The following UNC13C variants were observed in gnomAD, a reference collection of about 807,000 sequenced individuals.
UNC13C encodes the protein unc-13 homolog C.
In UNC13C, 174 loss-of-function variants were observed where a neutral mutation model predicts 245.4. The ratio of observed to expected loss-of-function variants is 0.71; its 90% CI spans 0.63 to 0.80. UNC13C has a LOEUF of 0.80. Ranked by LOEUF, UNC13C falls within the 30% of genes least tolerant of loss-of-function variation. UNC13C has a pLI of 0.00. For missense variants in UNC13C, 2,829 were observed against 2,602.9 expected (o/e 1.09, Z -1.89); for synonymous variants, 992 against 895.1 (o/e 1.11, Z -1.93).
At chr15:54,463,913 C>T (rs1892023344) in intron 19 of UNC13C, among the ~76,000 whole-genome samples, 1 of 152,072 alleles carries the variant, frequency 6.6e-6, no homozygotes, top group Non-Finnish European at 1.5e-5. Context: ...AAGGGACAAG[C>T]CCAATGGAGA....
intron 4 of UNC13C, among the ~76,000 whole-genome samples, chr15:54,185,191 T>G (rs2033935648): frequency 6.7e-6 from 1 of 148,606 alleles, no homozygotes; most frequent in Non-Finnish European, 1.5e-5. Context: ...ATGAGTAGGT[T>G]GCAAAAATTT....
At chr15:54,528,286 A>T (rs1225241496) in intron 25 of UNC13C, among the ~76,000 whole-genome samples, 1 of 150,416 alleles carries the variant, frequency 6.6e-6, no homozygotes, top group Non-Finnish European at 1.5e-5. Flanking sequence ...TTCTGCTTAC[A>T]CATGTTTTGC....
chr15:54,481,936 C>G (rs574826110), intron 19 of UNC13C, among the ~76,000 whole-genome samples: 2 of 152,128 alleles, frequency 1.3e-5, no homozygotes, highest in Non-Finnish European at 2.9e-5. Flanking sequence ...TGGATGGGCC[C>G]ATAACCAAGG....
At chr15:54,234,177 T>G (rs978832140) in intron 4 of UNC13C, among the ~76,000 whole-genome samples, 1 of 152,038 alleles carries the variant, frequency 6.6e-6, no homozygotes, top group African/African-American at 2.4e-5. Context: ...CATAATTATT[T>G]TTCTAGATAT....
intron 2 of UNC13C, among the ~76,000 whole-genome samples, chr15:54,035,349 T>C (rs900998301): frequency 3.3e-5 from 5 of 151,788 alleles, no homozygotes; most frequent in African/African-American, 9.7e-5. Context: ...TATCTTCCTA[T>C]GTTTTTATTT....
chr15:54,343,940 C>T (rs957300959), intron 17 of UNC13C, among the ~76,000 whole-genome samples: 2 of 152,110 alleles, frequency 1.3e-5, no homozygotes, highest in Non-Finnish European at 2.9e-5. Context: ...TTGCTGAAGG[C>T]AGACCAGGGT....
intron 4 of UNC13C, among the ~76,000 whole-genome samples, chr15:54,185,662 T>C (rs1404297652): frequency 8.1e-5 from 12 of 147,244 alleles, no homozygotes; most frequent in Admixed American, 7.9e-4. Context: ...CATGCTGTTT[T>C]GGTTACTGTA....
chr15:54,510,740 T>C (rs1312480129), intron 23 of UNC13C, among the ~76,000 whole-genome samples: 1 of 152,146 alleles, frequency 6.6e-6, no homozygotes, highest in African/African-American at 2.4e-5. Flanking sequence ...TGCATGACTC[T>C]GGTTATTGGG....
intron 30 of UNC13C, among the ~76,000 whole-genome samples, chr15:54,600,248 GT>G (rs1899339694): frequency 6.6e-6 from 1 of 152,086 alleles, no homozygotes; most frequent in Admixed American, 6.6e-5. Context: ...TCTTATCAAA[GT>G]GAGACCTCTC....
intron 18 of UNC13C, among the ~76,000 whole-genome samples, chr15:54,395,067 G>GA (rs1258835773): frequency 1.3e-5 from 2 of 151,676 alleles, no homozygotes; most frequent in Admixed American, 6.6e-5. Context: ...ACCTGTCCCT[G>GA]AAAAAACCAA....
At position 53,978,800 on chromosome 15, in the gene UNC13C, A is replaced by T. The variant is rs897831265; in HGVS notation, c.-384A>T. 1.3e-5 allele frequency among the ~76,000 whole-genome samples: 2 copies of T among 152,136 alleles called. No individual in the cohort carries two copies. The highest frequency in any genetic ancestry group is 4.8e-5 in the African/African-American group (2 of 41,446). On this transcript the variant is annotated 5_prime_UTR_variant, in exon 1 of 33. Coordinates refer to ENST00000260323, the MANE Select transcript of UNC13C (RefSeq NM_001080534.3). ...TCCTGTTCTAACTATTTGTGATTGA[A>T]AAAAGGAAACGAGACTAGAAACACA...
chr15:54,096,553 T>C (rs1296187412), intron 2 of UNC13C, among the ~76,000 whole-genome samples: 1 of 152,194 alleles, frequency 6.6e-6, no homozygotes, highest in African/African-American at 2.4e-5. Context: ...TATGCCCCAT[T>C]CTGATAGTGT....
intron 4 of UNC13C, among the ~76,000 whole-genome samples, chr15:54,223,493 A>C (rs1045201686): frequency 1.3e-5 from 2 of 152,052 alleles, no homozygotes; most frequent in Non-Finnish European, 2.9e-5. Context: ...TGGTTACTGT[A>C]GCTCTGTAGA....
At chr15:54,175,859 G>A (rs956436673) in intron 4 of UNC13C, among the ~76,000 whole-genome samples, 1 of 152,174 alleles carries the variant, frequency 6.6e-6, no homozygotes, top group African/African-American at 2.4e-5. Context: ...TTTATAAGCA[G>A]TGGTTATAAA....
the UNC13C span, among the ~76,000 whole-genome samples, chr15:53,947,171 G>A: frequency 0.012 from 1,885 of 152,172 alleles, 36 homozygotes; most frequent in African/African-American, 0.043. Context: ...GGACTATTCA[G>A]TCTATGTTCT....
In UNC13C at chr15:54,501,519, T is replaced by C. The variant is rs147282076; in HGVS notation, c.5301+541T>C. 5.9e-5 allele frequency among the ~76,000 whole-genome samples: 9 copies of C among 152,272 alleles called. No individual in the cohort carries two copies. The East Asian group carries it at 1.7e-3, about 29-fold the overall frequency. On this transcript the variant is annotated intron_variant, in intron 22 of 32. Transcript: ENST00000260323. ...CCCCTTCTCCTCTTAAAATCTAAAA[T>C]GGCTTACCATGTGCTTACTACTTTC...
intron 4 of UNC13C, among the ~76,000 whole-genome samples, chr15:54,152,384 T>C (rs918622904): frequency 1.3e-5 from 2 of 152,226 alleles, no homozygotes; most frequent in East Asian, 3.9e-4. Context: ...CATTTCCTTC[T>C]CTGTGTTCAA....
chr15:54,454,855 G>A (rs371424002), intron 19 of UNC13C, among the ~76,000 whole-genome samples: 1 of 151,678 alleles, frequency 6.6e-6, no homozygotes, highest in Non-Finnish European at 1.5e-5. Context: ...GGGAACAAGT[G>A]GTGTTTGTTT....
chr15:54,261,488 C>A (rs1355571950), intron 8 of UNC13C, among the ~76,000 whole-genome samples: 3 of 152,110 alleles, frequency 2.0e-5, no homozygotes, highest in Non-Finnish European at 4.4e-5. Context: ...TAATTTTCTT[C>A]TGATCAAAAA....
Sources: gnomAD v4.1 joint callset for allele counts (sites outside exome capture counted in the v4.1 genomes callset) on GRCh38, gnomAD v4.1.1 for gene constraint, MANE v1.5 for transcripts, NCBI Gene and HGNC (gene_info 2026-07-23, HGNC 2026-07-21) for gene names.